KCNMA1: variants seen among roughly 807,000 people sequenced by gnomAD.
KCNMA1 encodes Calcium-activated potassium channel subunit alpha-1.
Under a neutral mutation model 140.0 loss-of-function variants are expected in KCNMA1, and 29 were observed. The ratio of observed to expected loss-of-function variants is 0.21; its 90% CI spans 0.15 to 0.28. KCNMA1 has a LOEUF of 0.28. Among genes scored for constraint, KCNMA1 ranks in the 10% least tolerant of loss-of-function variants. The pLI, the probability that KCNMA1 is intolerant of heterozygous loss-of-function variation, is 1.00. For missense variants in KCNMA1, 880 were observed against 1,602.2 expected, an observed-to-expected ratio of 0.55 and a Z score of 7.70; for synonymous variants, 612 against 611.9, an observed-to-expected ratio of 1.00 and a Z score of 0.00.
chr10:77,344,529 AT>A (rs1175467589), intron 2 of KCNMA1, among the ~76,000 whole-genome samples: 2 of 151,980 alleles, frequency 1.3e-5, no homozygotes, highest in Non-Finnish European at 2.9e-5. Context: ...AACCGTACTT[AT>A]TTTTGGTGGC....
Position 77,001,337 on chromosome 10 carries a change from A to G in KCNMA1, c.2266+70T>C, listed in dbSNP as rs2086371062. Reference sequence around the variant, plus strand: ...CCCGACTGACTCAGAACCACAGGGCACAGCACAAGACAGGGATGATACCAC... The same window carrying G: ...CCCGACTGACTCAGAACCACAGGGCGCAGCACAAGACAGGGATGATACCAC... On this transcript the variant is annotated intron_variant, in intron 19 of 27. Coordinates refer to ENST00000286628, the MANE Select transcript of KCNMA1 (RefSeq NM_001161352.2). The G allele has an allele frequency of 5.0e-6, 7 of 1,408,354 alleles. No individual in the cohort carries two copies. The East Asian group carries it at 1.7e-4, about 35-fold the overall frequency. The allele number at this position is 1,408,354 out of a possible 1,614,324, so 87.2% of individuals were successfully genotyped here.
intron 1 of KCNMA1, among the ~76,000 whole-genome samples, chr10:77,545,391 A>C (rs1181122544): frequency 2.6e-5 from 4 of 152,232 alleles, no homozygotes; most frequent in African/African-American, 9.6e-5. Context: ...AATAGGATAA[A>C]AATGTTAAGT....
chr10:77,592,044 C>A (rs1366085750), intron 1 of KCNMA1, among the ~76,000 whole-genome samples: 1 of 152,196 alleles, frequency 6.6e-6, no homozygotes, highest in East Asian at 1.9e-4. Context: ...GGGTGCGAGG[C>A]ACACACAGAT....
Position 77,144,569 on chromosome 10 carries a change from A to G in KCNMA1, c.809-23521T>C, listed in dbSNP as rs72805549. Among the ~76,000 whole-genome samples, 423 of 152,320 alleles carry G rather than the reference A, an allele frequency of 2.8e-3. 1 individual carries two copies. Among genetic ancestry groups the G allele is most frequent in the Non-Finnish European group, 3.9e-3 (265 of 68,030 alleles). ...CTGAATGCACCCTCAGGATCTATGC[A>G]TTTTATTGCATGTATAATATACTTA... On this transcript the variant is annotated intron_variant, in intron 5 of 27. Transcript: ENST00000286628.
intron 1 of KCNMA1, among the ~76,000 whole-genome samples, chr10:77,510,359 G>C (rs964952476): frequency 2.0e-5 from 3 of 152,022 alleles, no homozygotes; most frequent in Admixed American, 6.5e-5. Context: ...ATACCTACTA[G>C]TAAATACCAC....
At chr10:77,380,099 G>GA (rs1566421574) in intron 2 of KCNMA1, among the ~76,000 whole-genome samples, 2 of 152,168 alleles carry the variant, frequency 1.3e-5, no homozygotes, top group South Asian at 2.1e-4. Context: ...CTCAGAGGGG[G>GA]AAAAATGAAT....
At chr10:77,289,748 T>C (rs977158046) in intron 2 of KCNMA1, among the ~76,000 whole-genome samples, 8 of 152,202 alleles carry the variant, frequency 5.3e-5, no homozygotes, top group Admixed American at 5.2e-4. Context: ...AATAGAGTCT[T>C]CAAAATAGTA....
At chr10:77,421,300 C>A (rs2096862020) in intron 1 of KCNMA1, among the ~76,000 whole-genome samples, 1 of 152,232 alleles carries the variant, frequency 6.6e-6, no homozygotes, top group Non-Finnish European at 1.5e-5. Flanking sequence ...TCCTAACTCA[C>A]CCTCCACCTC....
chr10:77,359,760 T>A (rs1346654536), intron 2 of KCNMA1, among the ~76,000 whole-genome samples: 2 of 152,194 alleles, frequency 1.3e-5, no homozygotes, highest in African/African-American at 4.8e-5. Flanking sequence ...GTGACACTGT[T>A]GAGCCAGTGG....
intron 23 of KCNMA1, among the ~76,000 whole-genome samples, chr10:76,941,128 GGGA>G (rs1324680785): frequency 2.7e-4 from 22 of 81,008 alleles, no homozygotes; most frequent in African/African-American, 8.3e-4. Flanking sequence ...GGGAAGGGAA[GGGA>G]AGGGAAGGGA....
intron 9 of KCNMA1, among the ~76,000 whole-genome samples, chr10:77,095,173 T>C (rs1469978795): frequency 6.6e-6 from 1 of 152,230 alleles, no homozygotes; most frequent in Non-Finnish European, 1.5e-5. Flanking sequence ...TGAACTTTCT[T>C]AGACCATCAG....
intron 25 of KCNMA1, among the ~76,000 whole-genome samples, chr10:76,892,572 A>C (rs1187740496): frequency 1.3e-5 from 2 of 152,228 alleles, no homozygotes; most frequent in African/African-American, 2.4e-5. Context: ...AAAAAACTCA[A>C]ATCAAAGTTT....
intron 19 of KCNMA1, chr10:76,970,353 CATG>C (rs2075716720): frequency 2.7e-6 from 1 of 373,312 alleles, no homozygotes; most frequent in Non-Finnish European, 5.0e-6. Context: ...AAAAAGAAAT[CATG>C]ATTTATCTGT....
intron 25 of KCNMA1, among the ~76,000 whole-genome samples, chr10:76,909,193 C>A (rs1171285137): frequency 1.3e-5 from 2 of 152,142 alleles, no homozygotes; most frequent in African/African-American, 2.4e-5. Flanking sequence ...GTCCTCTCCA[C>A]CTTCTGCTCA....
chr10:77,583,631 T>C (rs567341079), intron 1 of KCNMA1, among the ~76,000 whole-genome samples: 53 of 152,350 alleles, frequency 3.5e-4, no homozygotes, highest in African/African-American at 1.3e-3. Flanking sequence ...GTGACTTGAC[T>C]TTCCAGGCAA....
At position 77,428,585 on chromosome 10, in the gene KCNMA1, G is replaced by A. The variant is rs867999948; in HGVS notation, c.379-24562C>T. Among the ~76,000 whole-genome samples the A allele has an allele frequency of 2.6e-5, 4 of 152,186 alleles. No homozygotes were observed. In the South Asian group the frequency reaches 8.3e-4, roughly 32 times the overall value. The stretch of plus-strand genomic sequence containing the variant: ...TATCCATAGGAAAATTCATTTATGT[G>A]AGAGGCTAATTAGTCATGACAGTGC... On this transcript the variant is annotated intron_variant, in intron 1 of 27. Coordinates refer to ENST00000286628, the MANE Select transcript of KCNMA1 (RefSeq NM_001161352.2).
downstream of KCNMA1, chr10:76,873,124 T>C (rs2031696152): frequency 6.6e-6 from 1 of 152,226 alleles, no homozygotes; most frequent in Non-Finnish European, 1.5e-5. Flanking sequence ...GGCTTCTTTT[T>C]ATACATGTTT....
intron 1 of KCNMA1, among the ~76,000 whole-genome samples, chr10:77,534,769 C>T (rs533161231): frequency 4.6e-5 from 7 of 152,270 alleles, no homozygotes; most frequent in African/African-American, 1.7e-4. Context: ...TTGAGATGTT[C>T]CCAAAACAAA....
At chr10:77,533,477 A>ACTGTTC (rs2058173275) in intron 1 of KCNMA1, among the ~76,000 whole-genome samples, 1 of 152,210 alleles carries the variant, frequency 6.6e-6, no homozygotes, top group Non-Finnish European at 1.5e-5. Flanking sequence ...GAAGGCAGGC[A>ACTGTTC]TCCCGGGAGG....
Sources: allele counts gnomAD v4.1 joint callset (sites outside exome capture counted in the v4.1 genomes callset), GRCh38; gene constraint gnomAD v4.1.1; transcripts MANE v1.5; gene names NCBI Gene and HGNC (gene_info 2026-07-23, HGNC 2026-07-21).